CFH: variants seen among roughly 807,000 people sequenced by gnomAD.
CFH encodes the protein complement factor H.
Under a neutral mutation model 147.3 loss-of-function variants are expected in CFH, and 53 were observed. That is an observed-to-expected ratio of 0.36 (90% confidence interval 0.29 to 0.45). The LOEUF is 0.45. Ranked by LOEUF, CFH falls within the 20% of genes least tolerant of loss-of-function variation. The pLI is 1.00. For missense variants in CFH, 1,380 were observed against 1,498.0 expected (o/e 0.92, Z 1.30); for synonymous variants, 536 against 489.4 (o/e 1.10, Z -1.26).
chr1:196,729,924 T>C, intron 15 of CFH, among the ~76,000 whole-genome samples: 1 of 151,966 alleles, frequency 6.6e-6, no homozygotes, highest in East Asian at 1.9e-4. Flanking sequence ...TTGATATCAG[T>C]TGTAATATCA....
chr1:196,656,557 T>C (rs1020345784), intron 1 of CFH, among the ~76,000 whole-genome samples: 2 of 152,122 alleles, frequency 1.3e-5, no homozygotes, highest in Non-Finnish European at 2.9e-5. Flanking sequence ...CTGTCCATAA[T>C]CTACAGATAT....
chr1:196,662,022 A>C (rs1281476381), intron 1 of CFH, among the ~76,000 whole-genome samples: 6 of 152,204 alleles, frequency 3.9e-5, no homozygotes, highest in Admixed American at 6.5e-5. Flanking sequence ...CAGGAAAGGA[A>C]GCTGCTTTCC....
intron 3 of CFH, among the ~76,000 whole-genome samples, chr1:196,674,219 T>A (rs888207735): frequency 1.3e-5 from 2 of 152,146 alleles, no homozygotes; most frequent in African/African-American, 4.8e-5. Flanking sequence ...TATGCACATA[T>A]ATAAGTATTC....
intron 9 of CFH, chr1:196,692,294 A>G: frequency 3.2e-6 from 1 of 310,586 alleles, no homozygotes; most frequent in Non-Finnish European, 4.7e-6. Flanking sequence ...CTTTCACCCA[A>G]ATCTTTTTGC....
At chr1:196,675,963 A>G (rs1487719799) in intron 3 of CFH, 26 bp from the exon 4 acceptor site, 1 of 1,498,026 alleles carries the variant, frequency 6.7e-7, no homozygotes, top group South Asian at 1.1e-5. Flanking sequence ...CATTATGTCA[A>G]CGTTCTGTTA....
At chr1:196,716,493 G>C (rs1668873411) in intron 11 of CFH, among the ~76,000 whole-genome samples, 1 of 152,056 alleles carries the variant, frequency 6.6e-6, no homozygotes, top group South Asian at 2.1e-4. Flanking sequence ...AAAAGGAATG[G>C]TATAATTTGA....
At chr1:196,686,083 T>A (rs1667816508) in intron 7 of CFH, among the ~76,000 whole-genome samples, 1 of 151,982 alleles carries the variant, frequency 6.6e-6, no homozygotes, top group African/African-American at 2.4e-5. Context: ...TGCTACACAC[T>A]TTTAAACAAC....
At chr1:196,706,227 T>C (rs1558169853) in intron 9 of CFH, among the ~76,000 whole-genome samples, 1 of 152,156 alleles carries the variant, frequency 6.6e-6, no homozygotes, top group African/African-American at 2.4e-5. Flanking sequence ...TTTATTGTTG[T>C]CCATGCTCAT....
At chr1:196,711,827 T>A (rs1668729703) in intron 9 of CFH, among the ~76,000 whole-genome samples, 1 of 152,082 alleles carries the variant, frequency 6.6e-6, no homozygotes, top group South Asian at 2.1e-4. Context: ...ATCTGATAGG[T>A]ATCCTTTGTC....
chr1:196,665,832 C>T (rs1667065357), intron 1 of CFH, among the ~76,000 whole-genome samples: 1 of 152,170 alleles, frequency 6.6e-6, no homozygotes. Flanking sequence ...GTCTCGAACT[C>T]CTGACCTCAG....
At chr1:196,695,944 G>A (rs1396508082) in intron 9 of CFH, among the ~76,000 whole-genome samples, 2 of 152,024 alleles carry the variant, frequency 1.3e-5, no homozygotes, top group Non-Finnish European at 2.9e-5. Flanking sequence ...CATGTCATCT[G>A]CAAAAAGAGA....
intron 20 of CFH, among the ~76,000 whole-genome samples, chr1:196,744,745 C>G (rs1022011810): frequency 6.6e-6 from 1 of 152,118 alleles, no homozygotes; most frequent in African/African-American, 2.4e-5. Context: ...AAAAAGATAT[C>G]CTGTTATATT....
At chr1:196,745,517 C>T (rs1030573879) in intron 20 of CFH, among the ~76,000 whole-genome samples, 4 of 152,104 alleles carry the variant, frequency 2.6e-5, no homozygotes, top group African/African-American at 4.8e-5. Context: ...TAAGAAACTT[C>T]CTTTGTCATA....
chr1:196,666,067 T>C (rs187772383), intron 1 of CFH, among the ~76,000 whole-genome samples: 29 of 152,270 alleles, frequency 1.9e-4, no homozygotes, highest in African/African-American at 7.0e-4. Context: ...TTGATGGAGA[T>C]TTCAGGCACT....
chr1:196,703,312 G>C (rs200692152), intron 9 of CFH, among the ~76,000 whole-genome samples: 3 of 152,152 alleles, frequency 2.0e-5, no homozygotes, highest in East Asian at 3.9e-4. Flanking sequence ...ACTGCAACAG[G>C]GGGGACACTG....
rs759742741 is a variant in CFH, at chr1:196,713,953, A to C, written c.1519+36A>C. The C allele has an allele frequency of 3.2e-6, 5 of 1,571,644 alleles. No individual in the cohort carries two copies. In the Admixed American group the frequency reaches 8.4e-5, roughly 26 times the overall value. The stretch of plus-strand genomic sequence containing the variant: ...TATTATGTTTGTATTGATTATCCAG[A>C]TGATACACAAAAGTTTACTAACTTT... On this transcript the variant is annotated intron_variant, in intron 10 of 21. Coordinates refer to ENST00000367429, the MANE Select transcript of CFH (RefSeq NM_000186.4).
chr1:196,746,923 C>A (rs1384678907), intron 21 of CFH, among the ~76,000 whole-genome samples, 188 bp from the exon 22 acceptor site: 5 of 152,080 alleles, frequency 3.3e-5, no homozygotes, highest in African/African-American at 4.8e-5. Context: ...AAACATCGAA[C>A]CTCATTTTCA....
intron 6 of CFH, among the ~76,000 whole-genome samples, chr1:196,682,615 A>G (rs16840419): frequency 0.16 from 24,291 of 151,428 alleles, 2,174 homozygotes; most frequent in South Asian, 0.26. Context: ...TTGAAGATAC[A>G]TAAACTGAAC....
rs962598161 is a variant in CFH, at chr1:196,653,896, C to T, written c.58+1721C>T. Among the ~76,000 whole-genome samples, 3 of 151,998 alleles carry T rather than the reference C, an allele frequency of 2.0e-5. No individual in the cohort carries two copies. In the East Asian group the frequency reaches 5.8e-4, roughly 29 times the overall value. On this transcript the variant is annotated intron_variant, in intron 1 of 21. Transcript: ENST00000367429. Reference sequence around the variant, plus strand: ...CTTTGTATTTAAAGCAATGCTTAGGCCAGCCTCATAATTTTCATAAAAGCA... The same window carrying T: ...CTTTGTATTTAAAGCAATGCTTAGGTCAGCCTCATAATTTTCATAAAAGCA...
Sources: gnomAD v4.1 joint callset for allele counts (sites outside exome capture counted in the v4.1 genomes callset) on GRCh38, gnomAD v4.1.1 for gene constraint, MANE v1.5 for transcripts, NCBI Gene and HGNC (gene_info 2026-07-23, HGNC 2026-07-21) for gene names.